TSPAN15: variants seen among roughly 807,000 people sequenced by gnomAD.
TSPAN15 encodes tetraspanin 15, also known as tetraspanin-15.
A neutral mutation model predicts 34.5 loss-of-function variants in TSPAN15; 20 were observed. That is an observed-to-expected ratio of 0.58 (90% CI 0.41 to 0.84). The LOEUF (loss-of-function observed/expected upper bound fraction) is 0.84. Among genes scored for constraint, TSPAN15 ranks in the 40% least tolerant of loss-of-function variants. The pLI, the probability that TSPAN15 is intolerant of heterozygous loss-of-function variation, is 0.00. For synonymous variants in TSPAN15, 155 were observed against 153.9 expected (o/e 1.01, Z -0.05); for missense variants, 313 against 386.1 (o/e 0.81, Z 1.59).
chr10:69,485,945 C>A (rs1841843980), intron 3 of TSPAN15, among the ~76,000 whole-genome samples: 1 of 152,166 alleles, frequency 6.6e-6, no homozygotes, highest in African/African-American at 2.4e-5. Flanking sequence ...TGCCTGGCAT[C>A]CTGGCCCTGG....
chr10:69,465,178 G>A (rs1270606626), intron 1 of TSPAN15, among the ~76,000 whole-genome samples: 2 of 152,252 alleles, frequency 1.3e-5, no homozygotes, highest in Admixed American at 6.5e-5. Context: ...AGGAGGCTGT[G>A]GCAGAGACAC....
At position 69,476,566 on chromosome 10, in the gene TSPAN15, C is replaced by T. The variant is rs79748146; in HGVS notation, c.97-7125C>T. Among the ~76,000 whole-genome samples the T allele has an allele frequency of 2.0e-4, 19 of 97,362 alleles. No individual in the cohort carries two copies. In the South Asian group the frequency reaches 5.9e-3, roughly 30 times the overall value. The allele number at this position is 97,362 out of a possible 152,430, so 63.9% of individuals were successfully genotyped here. A position where few individuals can be genotyped will look rare whatever the true frequency, so the allele number is the denominator to read the frequency against. ...AGTGAGACCCTGTCTCAAAGGGTCT[C>T]AAAAAAAAAAAAAAAGTAACAAAAG... On this transcript the variant is annotated intron_variant, in intron 1 of 7. Transcript: ENST00000373290.
At chr10:69,547,263 A>T in the TSPAN15 span, among the ~76,000 whole-genome samples, 6 of 151,794 alleles carry the variant, frequency 4.0e-5, no homozygotes, top group Non-Finnish European at 8.8e-5. Flanking sequence ...TTCATCTTCC[A>T]TGTGCTATGC....
the TSPAN15 span, among the ~76,000 whole-genome samples, chr10:69,546,578 C>T: frequency 1.3e-4 from 20 of 152,286 alleles, 1 homozygote; most frequent in South Asian, 1.9e-3. Context: ...CTCTTGGGTT[C>T]TCATTGATTC....
intron 1 of TSPAN15, among the ~76,000 whole-genome samples, chr10:69,454,510 C>T (rs1023307191): frequency 2.1e-5 from 3 of 145,640 alleles, no homozygotes; most frequent in Admixed American, 6.8e-5. Context: ...GTGTAAGACT[C>T]GGTTTAAAAA....
At chr10:69,526,632 A>G in the TSPAN15 span, among the ~76,000 whole-genome samples, 1 of 147,418 alleles carries the variant, frequency 6.8e-6, no homozygotes, top group Non-Finnish European at 1.5e-5. Context: ...GTCTCTACAA[A>G]AATAAAAGTT....
rs551400356 is a variant in TSPAN15 at position 69,503,961 on chromosome 10, T to C, written c.571-477T>C. On this transcript the variant is annotated intron_variant, in intron 5 of 7. Transcript: ENST00000373290. Reference sequence around the variant, plus strand: ...GCACTCTCCGCTGGTGGAGCAGTGGTCTATGGAACGGAAGCATGGCCAGGG... The same window carrying C: ...GCACTCTCCGCTGGTGGAGCAGTGGCCTATGGAACGGAAGCATGGCCAGGG... Among the ~76,000 whole-genome samples the C allele has an allele frequency of 2.7e-4, 41 of 152,224 alleles. No homozygotes were observed. The South Asian group carries it at 8.3e-3, about 31-fold the overall frequency.
Position 69,507,558 on chromosome 10 carries a change from C to T in TSPAN15, c.*580C>T. The stretch of plus-strand genomic sequence containing the variant: ...AACATTCATTTTTTTGTACAGATAA[C>T]AGGAGTTTCTGACTAATCAAAGCTG... On this transcript the variant is annotated 3_prime_UTR_variant, in exon 8 of 8. Coordinates refer to ENST00000373290, the MANE Select transcript of TSPAN15 (RefSeq NM_012339.5). The T allele has an allele frequency of 7.7e-7, 1 of 1,303,976 alleles. No individual in the cohort carries two copies. Among genetic ancestry groups the T allele is most frequent in the Non-Finnish European group, 1.0e-6 (1 of 988,936 alleles). 80.8% of individuals were successfully genotyped at this position (1,303,976 alleles called of 1,614,324 possible).
Position 69,459,814 on chromosome 10 carries a change from G to A in TSPAN15, c.96+8124G>A, listed in dbSNP as rs911720463. 6.3e-4 allele frequency among the ~76,000 whole-genome samples: 95 copies of A among 151,890 alleles called. 1 individual carries two copies. Among genetic ancestry groups the A allele is most frequent in the Non-Finnish European group, 1.0e-3 (71 of 67,944 alleles). On this transcript the variant is annotated intron_variant, in intron 1 of 7. Transcript: ENST00000373290. ...TCTGAGCCTCCGAGATGCCTCCTCT[G>A]TGGGTACCCCAGAGGGCAGTGGGGA... is the stretch of plus-strand genomic sequence containing the variant.
chr10:69,522,785 C>T, the TSPAN15 span, among the ~76,000 whole-genome samples: 1 of 147,910 alleles, frequency 6.8e-6, no homozygotes, highest in African/African-American at 2.5e-5. Context: ...GAAAAATTAT[C>T]TTCCATGAAA....
intron 1 of TSPAN15, among the ~76,000 whole-genome samples, chr10:69,460,026 TG>T (rs1841214502): frequency 2.2e-5 from 1 of 45,734 alleles, no homozygotes; most frequent in Admixed American, 1.9e-4. Flanking sequence ...GGAGATGAGA[TG>T]AGATGAGATG....
chr10:69,453,890 A>G (rs1479533841), intron 1 of TSPAN15, among the ~76,000 whole-genome samples: 1 of 152,150 alleles, frequency 6.6e-6, no homozygotes, highest in Non-Finnish European at 1.5e-5. Flanking sequence ...CCCTGGAAGT[A>G]TTTCTGTTTA....
At chr10:69,470,735 A>C (rs538011377) in intron 1 of TSPAN15, among the ~76,000 whole-genome samples, 1 of 152,276 alleles carries the variant, frequency 6.6e-6, no homozygotes, top group South Asian at 2.1e-4. Context: ...ATTTAAAATA[A>C]AAAAAGATCA....
chr10:69,477,016 G>A (rs1188820582), intron 1 of TSPAN15, among the ~76,000 whole-genome samples: 1 of 152,168 alleles, frequency 6.6e-6, no homozygotes, highest in African/African-American at 2.4e-5. Flanking sequence ...GGAAAGGGGA[G>A]TGGGACAGCA....
At chr10:69,518,406 T>C in the TSPAN15 span, among the ~76,000 whole-genome samples, 2 of 151,850 alleles carry the variant, frequency 1.3e-5, no homozygotes, top group African/African-American at 4.8e-5. Flanking sequence ...ATAGAAGTTA[T>C]TAAAGAAGTA....
the TSPAN15 span, among the ~76,000 whole-genome samples, chr10:69,517,505 C>T: frequency 1.3e-5 from 2 of 152,194 alleles, no homozygotes; most frequent in Admixed American, 1.3e-4. Context: ...GGCCCCTCAG[C>T]ATCATCTGGG....
chr10:69,485,747 G>A (rs763701041), intron 3 of TSPAN15, among the ~76,000 whole-genome samples: 1 of 145,970 alleles, frequency 6.9e-6, no homozygotes, highest in Non-Finnish European at 1.5e-5. Context: ...AGAGTTGAGG[G>A]TGTACACAGG....
At chr10:69,521,794 T>A in the TSPAN15 span, among the ~76,000 whole-genome samples, 2 of 147,324 alleles carry the variant, frequency 1.4e-5, 1 homozygote, top group East Asian at 5.2e-4. Flanking sequence ...CTGAATTACA[T>A]CACCAGCTTT....
intron 1 of TSPAN15, among the ~76,000 whole-genome samples, chr10:69,456,091 C>CTT (rs34066900): frequency 6.9e-6 from 1 of 145,262 alleles, no homozygotes; most frequent in Non-Finnish European, 1.5e-5. Context: ...AATTTACTTA[C>CTT]TTTTTTTTTT....
Sources: allele counts gnomAD v4.1 joint callset (sites outside exome capture counted in the v4.1 genomes callset), GRCh38; gene constraint gnomAD v4.1.1; transcripts MANE v1.5; gene names NCBI Gene and HGNC (gene_info 2026-07-23, HGNC 2026-07-21).